CCDC28B: variants seen among roughly 807,000 people sequenced by gnomAD.
CCDC28B encodes coiled-coil domain containing 28B, also known as coiled-coil domain-containing protein 28B.
In CCDC28B, 17 loss-of-function variants were observed where a neutral mutation model predicts 18.7. The observed-to-expected ratio is 0.91, with a 90% CI of 0.62 to 1.36. CCDC28B has a LOEUF of 1.36. Among genes scored for constraint, CCDC28B ranks in the 40% most tolerant of loss-of-function variants. The pLI is 0.00. For missense variants in CCDC28B, 213 were observed against 251.7 expected (o/e 0.85, Z 1.04); for synonymous variants, 116 against 105.1 (o/e 1.10, Z -0.64).
Position 32,203,938 on chromosome 1 carries a change from C to T in CCDC28B, c.224C>T (p.Thr75Met), listed in dbSNP as rs375463372. 20 of 1,564,498 alleles carry T rather than the reference C, an allele frequency of 1.3e-5. No individual in the cohort carries two copies. The highest frequency in any genetic ancestry group is 2.7e-5 in the African/African-American group (2 of 73,234). Residue 75 changes from threonine to methionine, a missense_variant, in exon 3 of 6, where the codon ACG becomes ATG. Thr to Met is a moderately conservative substitution (Grantham distance 81). Transcript: ENST00000373602. Reference protein sequence around the residue: ...LAGGGSGSAGTPLQHSFLTEV... With the variant: ...LAGGGSGSAGMPLQHSFLTEV... The stretch of plus-strand genomic sequence containing the variant: ...GGAGGTGGAAGCGGCTCTGCAGGCA[C>T]GCCCCTGCAGCACTCCTTCCTGACC...
At chr1:32,204,070 C>A in intron 3 of CCDC28B, 25 bp downstream of exon 3, 1 of 1,565,782 alleles carries the variant, frequency 6.4e-7, no homozygotes, top group Non-Finnish European at 8.7e-7. Context: ...CTGGTTTCAG[C>A]GGGTGTGTGG....
At chr1:32,198,321 C>T (rs538972507), upstream of CCDC28B, 5 of 152,408 alleles carry the variant, frequency 3.3e-5, no homozygotes, top group Admixed American at 1.3e-4. Context: ...TCCTTTGTTT[C>T]TGGATCTGAT....
intron 2 of CCDC28B, 81 bp from the exon 3 acceptor site, chr1:32,203,798 G>A (rs1243544828): frequency 2.2e-5 from 25 of 1,138,912 alleles, no homozygotes; most frequent in Non-Finnish European, 2.9e-5. Context: ...ATAAACTGGT[G>A]CATAGGCAGA....
chr1:32,196,278 G>C (rs1379040802), upstream of CCDC28B: 3 of 152,512 alleles, frequency 2.0e-5, no homozygotes, highest in African/African-American at 7.2e-5. Flanking sequence ...TCTCCATGCA[G>C]CAGTTGCTGG....
intron 1 of CCDC28B, among the ~76,000 whole-genome samples, chr1:32,201,018 G>T (rs1643135174): frequency 6.6e-6 from 1 of 152,086 alleles, no homozygotes; most frequent in African/African-American, 2.4e-5. Context: ...AAATGCTTAA[G>T]CGCCACCCAC....
At chr1:32,197,395 A>G (rs993386001), upstream of CCDC28B, 3 of 152,292 alleles carry the variant, frequency 2.0e-5, no homozygotes, top group African/African-American at 7.2e-5. The surrounding 1 kb of genome is among the most constrained non-coding windows in gnomAD (Gnocchi z 4.6). Flanking sequence ...CAGGTCAGGA[A>G]TGTGGGCCCC....
rs769830661 is a variant in CCDC28B, at chr1:32,204,749, A to C, written c.548+129A>C. On this transcript the variant is annotated intron_variant, in intron 5 of 5. Transcript: ENST00000373602. The stretch of plus-strand genomic sequence containing the variant: ...TCTTGCAGTCCTGTCAGATTTAGCC[A>C]CAGACTGCCCAAACCCAGGTACAGG... The C allele has an allele frequency of 3.1e-6, 5 of 1,613,646 alleles. No homozygotes were observed. In the African/African-American group the frequency reaches 6.7e-5, roughly 22 times the overall value.
At position 32,202,289 on chromosome 1, in the gene CCDC28B, G is replaced by A. The variant is rs1274136877; in HGVS notation, c.164+190G>A. ...CAACTGTGTGGCAAAAAGGCCAGGT[G>A]GGTCACTGGGATCACATAGCGTGAG... On this transcript the variant is annotated intron_variant, in intron 2 of 5. Coordinates refer to ENST00000373602, the MANE Select transcript of CCDC28B (RefSeq NM_024296.5). 3 of 750,642 alleles carry A rather than the reference G, an allele frequency of 4.0e-6. No individual in the cohort carries two copies. The South Asian group carries it at 4.4e-5, about 11-fold the overall frequency. 46.5% of individuals were successfully genotyped at this position (750,642 alleles called of 1,614,324 possible).
rs1643244847 is a variant in CCDC28B, at chr1:32,204,329, G to A, written c.475G>A (p.Glu159Lys). 1.2e-6 allele frequency: 2 copies of A among 1,608,814 alleles called. No individual in the cohort carries two copies. The highest frequency in any genetic ancestry group is 2.2e-5 in the East Asian group (1 of 44,856). The change falls in exon 4 of 6, where the codon GAG (glutamate) becomes AAG (lysine). Residue 159 changes from glutamate (E) to lysine (K), a missense_variant. Physicochemically the swap from Glu to Lys is moderately conservative, Grantham distance 56. Transcript: ENST00000373602. Reference protein sequence around the residue: ...EDGVTEGLPEEQKKTMADRNL... With the variant: ...EDGVTEGLPEKQKKTMADRNL... ...TGGGGTCACTGAGGGGCTGCCAGAG[G>A]AGCAGAAGAAGACAATGGCTGACCG... is the stretch of plus-strand genomic sequence containing the variant.
Position 32,202,436 on chromosome 1 carries a change from G to A in CCDC28B, c.164+337G>A, listed in dbSNP as rs373573693. 5 of 441,632 alleles carry A rather than the reference G, an allele frequency of 1.1e-5. No homozygotes were observed. In the East Asian group the frequency reaches 1.7e-4, roughly 15 times the overall value. 27.4% of individuals were successfully genotyped at this position (441,632 alleles called of 1,614,324 possible). ...CTGAAAGGTTTCAGGAACCACAGGT[G>A]GTTTGGGGGCCCTGGAGTATCAGGG... On this transcript the variant is annotated intron_variant, in intron 2 of 5. Transcript: ENST00000373602.
At position 32,204,332 on chromosome 1, in the gene CCDC28B, C is replaced by G; in HGVS notation, c.478C>G (p.Gln160Glu). 1.2e-6 allele frequency: 2 copies of G among 1,606,230 alleles called. No individual in the cohort carries two copies. Among genetic ancestry groups the G allele is most frequent in the Non-Finnish European group, 1.7e-6 (2 of 1,175,888 alleles). ...DGVTEGLPEE[Q>E]KKTMADRNLD... ...GGTCACTGAGGGGCTGCCAGAGGAG[C>G]AGAAGAAGACAATGGCTGACCGTAA... The change falls in exon 4 of 6, where the codon CAG (glutamine) becomes GAG (glutamate). Residue 160 changes from glutamine to glutamate, a missense_variant. Gln to Glu is a conservative substitution (Grantham distance 29). Transcript: ENST00000373602.
chr1:32,204,982 G>C lies in CCDC28B; in HGVS notation c.549-212G>C, dbSNP rs186720093. Reference sequence around the variant, plus strand: ...AGTCAGAAACAGCGCGAGTGCGCGCGCACACACCCCAGTGTGTCTGACCTG... The same window carrying C: ...AGTCAGAAACAGCGCGAGTGCGCGCCCACACACCCCAGTGTGTCTGACCTG... On this transcript the variant is annotated intron_variant, in intron 5 of 5. Coordinates refer to ENST00000373602, the MANE Select transcript of CCDC28B (RefSeq NM_024296.5). 4 of 1,228,800 alleles carry C rather than the reference G, an allele frequency of 3.3e-6. No homozygotes were observed. The African/African-American group carries it at 6.1e-5, about 19-fold the overall frequency. The allele number at this position is 1,228,800 out of a possible 1,614,324, so 76.1% of individuals were successfully genotyped here.
rs1342765715 is a variant in CCDC28B at position 32,204,562 on chromosome 1, C to G, written c.526-36C>G. On this transcript the variant is annotated intron_variant, in intron 4 of 5. Coordinates refer to ENST00000373602, the MANE Select transcript of CCDC28B (RefSeq NM_024296.5). Reference sequence around the variant, plus strand: ...ATTGGGGATTTGGCCTGGTTCCCCTCCTAACAGAAGCCTCCCTTTTTCTCT... The same window carrying G: ...ATTGGGGATTTGGCCTGGTTCCCCTGCTAACAGAAGCCTCCCTTTTTCTCT... 3 of 1,541,612 alleles carry G rather than the reference C, an allele frequency of 1.9e-6. No homozygotes were observed. The South Asian group carries it at 3.8e-5, about 20-fold the overall frequency.
intron 1 of CCDC28B, among the ~76,000 whole-genome samples, chr1:32,201,459 C>T (rs1643146149): frequency 6.6e-6 from 1 of 152,126 alleles, no homozygotes; most frequent in Non-Finnish European, 1.5e-5. Flanking sequence ...CTACCTGCAC[C>T]TTGTCCCCCT....
chr1:32,202,849 G>C (rs541957880), intron 2 of CCDC28B: 132 of 154,698 alleles, frequency 8.5e-4, no homozygotes, highest in East Asian at 1.9e-3. Flanking sequence ...AATAGAAGAG[G>C]GTTGGCTGGG....
chr1:32,204,458 G>A, intron 4 of CCDC28B, 79 bp downstream of exon 4: 1 of 1,517,550 alleles, frequency 6.6e-7, no homozygotes, highest in Non-Finnish European at 8.8e-7. Context: ...CCATTCCTGG[G>A]CCCTGGGTGA....
chr1:32,198,710 T>C (rs2124178732), upstream of CCDC28B, among the ~76,000 whole-genome samples: 1 of 152,228 alleles, frequency 6.6e-6, no homozygotes, highest in Admixed American at 6.5e-5. Context: ...AAGATGAACG[T>C]CATTTAGTGA....
Position 32,201,979 on chromosome 1 carries a change from C to T in CCDC28B, c.44C>T (p.Ala15Val), listed in dbSNP as rs370768930. ...AAACGGAGTCCCAAGCCCTGCCTGG[C>T]CCAGCCAGCCCAGGCCCCAGGCACA... The part of the protein sequence containing the change: ...KKKRSPKPCL[A>V]QPAQAPGTLR... Residue 15 changes from alanine to valine, a missense_variant, in exon 2 of 6, where the codon GCC (alanine) becomes GTC (valine). Ala to Val is a moderately conservative substitution (Grantham distance 64, BLOSUM62 0). Coordinates refer to ENST00000373602, the MANE Select transcript of CCDC28B (RefSeq NM_024296.5). The T allele has an allele frequency of 9.9e-6, 16 of 1,612,828 alleles. No homozygotes were observed. Among genetic ancestry groups the T allele is most frequent in the Middle Eastern group, 3.3e-4 (2 of 6,052 alleles).
chr1:32,203,756 A>G, intron 2 of CCDC28B, 123 bp from the exon 3 acceptor site: 1 of 690,724 alleles, frequency 1.4e-6, no homozygotes, highest in South Asian at 3.2e-5. Context: ...GCTAGTAAGT[A>G]GATGGGCAGA....
Sources: allele counts gnomAD v4.1 joint callset (sites outside exome capture counted in the v4.1 genomes callset), GRCh38; gene constraint gnomAD v4.1.1; non-coding constraint Gnocchi (gnomAD v3.1); transcripts MANE v1.5; gene names NCBI Gene and HGNC (gene_info 2026-07-23, HGNC 2026-07-21).